The following SLC28A3 variants were observed in gnomAD, a reference collection of about 807,000 sequenced individuals.
SLC28A3 encodes the protein solute carrier family 28 member 3.
SLC28A3 carries 68 observed loss-of-function variants against 84.2 expected under a neutral mutation model. The observed-to-expected ratio is 0.81, with a 90% CI of 0.66 to 0.99. The LOEUF (loss-of-function observed/expected upper bound fraction) is 0.99. SLC28A3 is among the 50% of genes least tolerant of loss of function. The pLI, the probability that SLC28A3 is intolerant of heterozygous loss-of-function variation, is 0.00. For synonymous variants in SLC28A3, 267 were observed against 303.6 expected (o/e 0.88, Z 1.25); for missense variants, 712 against 841.5 (o/e 0.85, Z 1.90).
chr9:84,332,812 G>A (rs2118591777), intron 1 of SLC28A3, among the ~76,000 whole-genome samples: 1 of 152,274 alleles, frequency 6.6e-6, no homozygotes, highest in East Asian at 1.9e-4. Flanking sequence ...TTTCCTAAAT[G>A]GGACCATATA....
intron 2 of SLC28A3, 148 bp downstream of exon 2, chr9:84,313,211 G>A (rs978180401): frequency 1.2e-5 from 7 of 574,166 alleles, no homozygotes; most frequent in South Asian, 3.5e-5. Context: ...TTTTCTTTAC[G>A]ACTATGCCCC....
the SLC28A3 span, among the ~76,000 whole-genome samples, chr9:84,368,088 G>C: frequency 0.042 from 6,412 of 152,142 alleles, 423 homozygotes; most frequent in African/African-American, 0.14. Flanking sequence ...CTGTCTCAGT[G>C]GGGGGAAACC....
intron 12 of SLC28A3, among the ~76,000 whole-genome samples, chr9:84,287,331 T>A (rs1452768936): frequency 6.6e-6 from 1 of 152,222 alleles, no homozygotes; most frequent in Non-Finnish European, 1.5e-5. Flanking sequence ...TGATGAATTC[T>A]GTTATTTAAT....
chr9:84,353,832 T>A, the SLC28A3 span, among the ~76,000 whole-genome samples: 1 of 152,254 alleles, frequency 6.6e-6, no homozygotes, highest in African/African-American at 2.4e-5. Flanking sequence ...TTTGTATGCT[T>A]TCCTGTTAAT....
At chr9:84,281,813 G>A (rs1219172628) in intron 14 of SLC28A3, among the ~76,000 whole-genome samples, 1 of 152,192 alleles carries the variant, frequency 6.6e-6, no homozygotes, top group Admixed American at 6.5e-5. Flanking sequence ...AAACATGAAT[G>A]CTAAGTGAGC....
chr9:84,286,445 C>CTT (rs71498094), intron 12 of SLC28A3, among the ~76,000 whole-genome samples: 2,638 of 87,510 alleles, frequency 0.03, 173 homozygotes, highest in African/African-American at 0.084. Context: ...CCATGCTTGG[C>CTT]TTTTTTTTTT....
the SLC28A3 span, among the ~76,000 whole-genome samples, chr9:84,366,706 C>T: frequency 6.6e-6 from 1 of 152,212 alleles, no homozygotes. Context: ...AGCAGAGACT[C>T]TTGTTCTCTT....
At chr9:84,322,315 T>C (rs1266546596) in intron 1 of SLC28A3, among the ~76,000 whole-genome samples, 4 of 152,252 alleles carry the variant, frequency 2.6e-5, no homozygotes, top group African/African-American at 9.6e-5. Flanking sequence ...CACCTTCATC[T>C]TGGAACATCT....
intron 11 of SLC28A3, among the ~76,000 whole-genome samples, chr9:84,288,653 T>C (rs1363456313): frequency 6.6e-6 from 1 of 152,086 alleles, no homozygotes; most frequent in African/African-American, 2.4e-5. Flanking sequence ...CAAGCGATTC[T>C]CCTGCTTCAG....
At chr9:84,290,409 A>C in intron 10 of SLC28A3, 130 bp from the exon 11 acceptor site, 24 of 1,123,196 alleles carry the variant, frequency 2.1e-5, no homozygotes, top group Non-Finnish European at 2.5e-5. Flanking sequence ...GACCAGCTCC[A>C]TCAGCGTCAC....
chr9:84,364,887 T>C, the SLC28A3 span, among the ~76,000 whole-genome samples: 1 of 152,220 alleles, frequency 6.6e-6, no homozygotes, highest in Non-Finnish European at 1.5e-5. Context: ...TTCCATTGTG[T>C]ATATGAACCA....
chr9:84,333,284 T>C (rs574657894), intron 1 of SLC28A3, among the ~76,000 whole-genome samples: 4 of 152,336 alleles, frequency 2.6e-5, no homozygotes, highest in Admixed American at 2.6e-4. Flanking sequence ...GTGAAGTTTT[T>C]ATAGCTCACC....
Position 84,280,852 on chromosome 9 carries a change from G to A in SLC28A3, c.1678C>T (p.Leu560Phe), listed in dbSNP as rs768419417. Residue 560 changes from leucine (L) to phenylalanine (F), a missense_variant, in exon 15 of 18, where the codon CTC (leucine) becomes TTC (phenylalanine). Coordinates refer to ENST00000376238, the MANE Select transcript of SLC28A3 (RefSeq NM_001199633.2). ...GACCCGATATTGGCAAAACCACAGA[G>A]AGCGTAAGTGGCGATTATCTCAGAA... Reference protein sequence around the residue: ...IRSEIIATYALCGFANIGSLG... With the variant: ...IRSEIIATYAFCGFANIGSLG... The A allele has an allele frequency of 6.2e-7, 1 of 1,614,132 alleles. No homozygotes were observed. Among genetic ancestry groups the A allele is most frequent in the Non-Finnish European group, 8.5e-7 (1 of 1,180,018 alleles).
intron 1 of SLC28A3, among the ~76,000 whole-genome samples, chr9:84,334,304 A>G (rs1826892315): frequency 6.6e-6 from 1 of 152,240 alleles, no homozygotes. Flanking sequence ...GTCTCAAAAA[A>G]ACAAAAAAAA....
At position 84,285,381 on chromosome 9, in the gene SLC28A3, T is replaced by A; in HGVS notation, c.1611A>T (p.Gly537=). The change falls in exon 14 of 18, where the codon GGA becomes GGT. Residue 537 remains glycine, a synonymous_variant. Coordinates refer to ENST00000376238, the MANE Select transcript of SLC28A3 (RefSeq NM_001199633.2). ...GCTGCACACCGTTTACAAATTTGGG[T>A]CCACCTTCTTTCCTCAAGTGGATCC... ...SKWIHLRKEG[G]PKFVNGVQQY... 1 of 1,613,994 alleles carries A rather than the reference T, an allele frequency of 6.2e-7. No homozygotes were observed. The highest frequency in any genetic ancestry group is 1.7e-5 in the Admixed American group (1 of 60,020).
intron 14 of SLC28A3, among the ~76,000 whole-genome samples, chr9:84,284,255 A>G (rs1824887373): frequency 6.6e-6 from 1 of 152,210 alleles, no homozygotes; most frequent in African/African-American, 2.4e-5. Context: ...TAATTGGCCA[A>G]GCTTTACTGG....
the SLC28A3 span, among the ~76,000 whole-genome samples, chr9:84,353,167 A>G: frequency 6.6e-6 from 1 of 152,202 alleles, no homozygotes; most frequent in African/African-American, 2.4e-5. Flanking sequence ...TTAGGTATGT[A>G]CCCCAAATAT....
At chr9:84,360,002 CAAAAA>C in the SLC28A3 span, among the ~76,000 whole-genome samples, 1 of 56,262 alleles carries the variant, frequency 1.8e-5, no homozygotes, top group Non-Finnish European at 4.0e-5. Context: ...AACTCTGTCT[CAAAAA>C]AAAAAAAAAA....
chr9:84,284,856 G>A (rs1440511016), intron 14 of SLC28A3, among the ~76,000 whole-genome samples: 1 of 152,134 alleles, frequency 6.6e-6, no homozygotes, highest in Non-Finnish European at 1.5e-5. Flanking sequence ...ACTAACTCTC[G>A]AGGATGTCCA....
Sources: allele counts gnomAD v4.1 joint callset (sites outside exome capture counted in the v4.1 genomes callset), GRCh38; gene constraint gnomAD v4.1.1; transcripts MANE v1.5; gene names NCBI Gene and HGNC (gene_info 2026-07-23, HGNC 2026-07-21).